AP1G1: variants seen among roughly 807,000 people sequenced by gnomAD.
AP1G1 encodes the protein AP-1 complex subunit gamma-1.
AP1G1 carries 7 observed loss-of-function variants against 108.3 expected under a neutral mutation model. The observed-to-expected ratio is 0.06, with a 90% confidence interval of 0.04 to 0.12. AP1G1 has a LOEUF of 0.12. Ranked by LOEUF, AP1G1 falls within the 10% of genes least tolerant of loss-of-function variation. The probability of loss-of-function intolerance (pLI) is 1.00; values close to 1 mark genes in which losing one functional copy is unlikely to be tolerated. For missense variants in AP1G1, 756 were observed against 1,010.7 expected, an observed-to-expected ratio of 0.75 and a Z score of 3.42; for synonymous variants, 379 against 353.5, an observed-to-expected ratio of 1.07 and a Z score of -0.81.
At chr16:71,800,408 A>G (rs994590893) in intron 1 of AP1G1, among the ~76,000 whole-genome samples, 4 of 148,720 alleles carry the variant, frequency 2.7e-5, no homozygotes, top group Non-Finnish European at 5.9e-5. Context: ...TTGGCCAGGC[A>G]CGGTGGCTCA....
intron 1 of AP1G1, among the ~76,000 whole-genome samples, chr16:71,806,954 A>C (rs2033016294): frequency 6.6e-6 from 1 of 152,224 alleles, no homozygotes; most frequent in Non-Finnish European, 1.5e-5. Context: ...GTGGCTTAGC[A>C]ATATTAAAAA....
intron 9 of AP1G1, among the ~76,000 whole-genome samples, chr16:71,763,060 C>A (rs542627845): frequency 1.1e-3 from 175 of 152,232 alleles, no homozygotes; most frequent in African/African-American, 4.0e-3. Flanking sequence ...GAAATAGCCC[C>A]AACACATATG....
chr16:71,745,309 A>T (rs575539194), intron 18 of AP1G1, 39 bp from the exon 19 acceptor site: 18 of 1,612,808 alleles, frequency 1.1e-5, no homozygotes, highest in Non-Finnish European at 1.5e-5. Context: ...TTATTATTTG[A>T]TTTGTCTAGT....
chr16:71,806,694 T>G, intron 1 of AP1G1: 1 of 1,287,844 alleles, frequency 7.8e-7, no homozygotes, highest in Non-Finnish European at 1.0e-6. Context: ...ACTAAATGAG[T>G]GAGCATTACA....
chr16:71,750,010 C>G, intron 14 of AP1G1, 27 bp from the exon 15 acceptor site: 1 of 1,581,920 alleles, frequency 6.3e-7, no homozygotes, highest in South Asian at 1.1e-5. Flanking sequence ...CAACGTTTCT[C>G]AAGAACTTCA....
rs2031706547 is a variant in AP1G1 at position 71,774,640 on chromosome 16, C to T, written c.202-48G>A. 3 of 1,533,898 alleles carry T rather than the reference C, an allele frequency of 2.0e-6. No individual in the cohort carries two copies. In the African/African-American group the frequency reaches 4.2e-5, roughly 22 times the overall value. ...AGAAGGAAATTAAAACTTGCTACCA[C>T]AATCTAGAAAAGCAGTGTTTTTAAC... On this transcript the variant is annotated intron_variant, in intron 2 of 22. Transcript: ENST00000299980.
intron 2 of AP1G1, among the ~76,000 whole-genome samples, chr16:71,784,613 C>T (rs1293915332): frequency 1.3e-5 from 2 of 152,044 alleles, no homozygotes; most frequent in Admixed American, 6.6e-5. Context: ...GGCTGGAGTG[C>T]AATGGTATGA....
At chr16:71,768,562 A>G (rs563841300) in intron 6 of AP1G1, among the ~76,000 whole-genome samples, 11 of 151,490 alleles carry the variant, frequency 7.3e-5, no homozygotes, top group Non-Finnish European at 1.3e-4. Context: ...ACAGGAGTCA[A>G]TGTCCTAAAA....
At chr16:71,738,217 A>ATTTT (rs61059579) in intron 21 of AP1G1, among the ~76,000 whole-genome samples, 9 of 144,304 alleles carry the variant, frequency 6.2e-5, no homozygotes, top group Admixed American at 4.8e-4. Context: ...CGCCCGGCTA[A>ATTTT]TTTTTTTTTT....
At chr16:71,748,443 A>G (rs1211274472) in intron 15 of AP1G1, 65 bp from the exon 16 acceptor site, 15 of 1,545,050 alleles carry the variant, frequency 9.7e-6, no homozygotes, top group South Asian at 2.4e-5. Flanking sequence ...TCTAAATCTG[A>G]TATCAAGTCA....
chr16:71,774,232 G>A (rs1443213548), intron 3 of AP1G1: 2 of 427,380 alleles, frequency 4.7e-6, no homozygotes, highest in Non-Finnish European at 8.3e-6. Flanking sequence ...ACAAAAATTA[G>A]CCAGGCGTGG....
intron 1 of AP1G1, chr16:71,808,544 G>A (rs1177774124): frequency 1.6e-6 from 2 of 1,285,788 alleles, no homozygotes; most frequent in Non-Finnish European, 2.0e-6. Flanking sequence ...CGCGGCGCGC[G>A]GAACCTCCCG....
chr16:71,744,147 G>A (rs776413501), intron 19 of AP1G1, among the ~76,000 whole-genome samples: 6 of 152,006 alleles, frequency 3.9e-5, no homozygotes, highest in Non-Finnish European at 7.4e-5. Flanking sequence ...AGGAGGCTGA[G>A]GCAGAAGAAT....
intron 3 of AP1G1, 142 bp downstream of exon 3, chr16:71,774,326 T>G (rs1597068768): frequency 1.3e-6 from 1 of 786,862 alleles, no homozygotes; most frequent in Non-Finnish European, 2.0e-6. Context: ...GGGAGGACGG[T>G]GGCAGCGGAG....
At chr16:71,792,298 T>C (rs943401470) in intron 1 of AP1G1, among the ~76,000 whole-genome samples, 1 of 152,126 alleles carries the variant, frequency 6.6e-6, no homozygotes, top group Non-Finnish European at 1.5e-5. Context: ...TTAAGCTATG[T>C]CCCTTTTGGC....
At chr16:71,777,529 G>C (rs2031836053) in intron 2 of AP1G1, 3 of 300,144 alleles carry the variant, frequency 1.0e-5, no homozygotes, top group South Asian at 8.6e-5. Context: ...GGCGAAGAGT[G>C]GCTGGACTTG....
intron 4 of AP1G1, chr16:71,772,925 C>A: frequency 2.4e-6 from 1 of 424,318 alleles, no homozygotes. Context: ...ATTATTAGGA[C>A]AAAAGTAAAT....
chr16:71,729,437 A>G lies in AP1G1; in HGVS notation c.*3621T>C, dbSNP rs2045458006. The G allele has an allele frequency of 6.6e-6, 1 of 151,352 alleles. No individual in the cohort carries two copies. Among genetic ancestry groups the G allele is most frequent in the Non-Finnish European group, 1.5e-5 (1 of 67,774 alleles). 9.4% of individuals were successfully genotyped at this position (151,352 alleles called of 1,614,324 possible). On this transcript the variant is annotated 3_prime_UTR_variant, in exon 23 of 23. Transcript: ENST00000299980. ...CCGCAGGTTCTTTGAGGGAAGAAAAAAAAAAAAAAAAAAACCAACTCCAAG... is the reference window on the plus strand; with the variant it reads ...CCGCAGGTTCTTTGAGGGAAGAAAAGAAAAAAAAAAAAAACCAACTCCAAG...
At position 71,739,331 on chromosome 16, in the gene AP1G1, A is replaced by G. The variant is rs965656272; in HGVS notation, c.2010T>C (p.Ala670=). The G allele has an allele frequency of 1.2e-6, 2 of 1,600,424 alleles. No homozygotes were observed. The highest frequency in any genetic ancestry group is 1.7e-6 in the Non-Finnish European group (2 of 1,176,746). Residue 670 remains alanine (A), a synonymous_variant, in exon 20 of 23, where the codon GCT becomes GCC. Transcript: ENST00000299980. ...LGDINLTGAP[A]AAPAPASVPQ... ...GGACTGAGGCAGGGGCAGGAGCAGCAGCTGGAGCACCTAAAGGAAATATTT... is the reference window on the plus strand; with the variant it reads ...GGACTGAGGCAGGGGCAGGAGCAGCGGCTGGAGCACCTAAAGGAAATATTT...
Sources: gnomAD v4.1 joint callset for allele counts (sites outside exome capture counted in the v4.1 genomes callset) on GRCh38, gnomAD v4.1.1 for gene constraint, MANE v1.5 for transcripts, NCBI Gene and HGNC (gene_info 2026-07-23, HGNC 2026-07-21) for gene names.